Variants in GRB10 observed in about 807,000 individuals in gnomAD.
The protein encoded by GRB10 is growth factor receptor bound protein 10, also known as growth factor receptor-bound protein 10.
In GRB10, 20 loss-of-function variants were observed where a neutral mutation model predicts 80.9. That is an observed-to-expected ratio of 0.25 (90% CI 0.17 to 0.36). The LOEUF (loss-of-function observed/expected upper bound fraction) is 0.36, where lower values mean the gene tolerates loss of function less well. GRB10 is among the 10% of genes least tolerant of loss of function. The probability of loss-of-function intolerance (pLI) is 1.00; values close to 1 mark genes in which losing one functional copy is unlikely to be tolerated. For synonymous variants in GRB10, 291 were observed against 291.5 expected (o/e 1.00, Z 0.02); for missense variants, 548 against 747.7 (o/e 0.73, Z 3.12).
chr7:50,694,986 T>G (rs2063267907), intron 5 of GRB10, among the ~76,000 whole-genome samples: 1 of 152,172 alleles, frequency 6.6e-6, no homozygotes, highest in Admixed American at 6.5e-5. Context: ...TCTCTGCTAT[T>G]AGGAAGCCCC....
chr7:50,741,583 A>C (rs1434219940), intron 3 of GRB10, among the ~76,000 whole-genome samples: 5 of 151,154 alleles, frequency 3.3e-5, no homozygotes, highest in Non-Finnish European at 7.4e-5. Flanking sequence ...AAACGAAGGC[A>C]CTTGAAAATT....
At chr7:50,774,783 A>G (rs186161246) in intron 2 of GRB10, among the ~76,000 whole-genome samples, 1 of 152,234 alleles carries the variant, frequency 6.6e-6, no homozygotes, top group East Asian at 1.9e-4. Context: ...GATCAATTCA[A>G]AAGTCTGAAG....
intron 17 of GRB10, among the ~76,000 whole-genome samples, chr7:50,598,767 C>A (rs540009696): frequency 6.6e-6 from 1 of 152,208 alleles, no homozygotes; most frequent in Non-Finnish European, 1.5e-5. Context: ...GGGGATAACA[C>A]CTCTCTTTCT....
chr7:50,616,067 G>T, intron 11 of GRB10, 143 bp downstream of exon 11: 1 of 913,558 alleles, frequency 1.1e-6, no homozygotes, highest in Non-Finnish European at 1.7e-6. Flanking sequence ...TTCAGCTGCT[G>T]CACAATTAGC....
At chr7:50,718,790 A>G (rs1587423603) in intron 4 of GRB10, among the ~76,000 whole-genome samples, 1 of 152,200 alleles carries the variant, frequency 6.6e-6, no homozygotes, top group East Asian at 1.9e-4. Context: ...CACAGCTCTC[A>G]GGGTCAAGAG....
At chr7:50,667,090 C>T (rs919928618) in intron 7 of GRB10, among the ~76,000 whole-genome samples, 1 of 150,740 alleles carries the variant, frequency 6.6e-6, no homozygotes, top group Non-Finnish European at 1.5e-5. Context: ...GGTACTAATG[C>T]CTGTGTGGGA....
intron 5 of GRB10, among the ~76,000 whole-genome samples, chr7:50,703,582 G>A (rs1026651111): frequency 1.3e-5 from 2 of 152,172 alleles, no homozygotes; most frequent in African/African-American, 4.8e-5. Context: ...TAGATAACTC[G>A]TATGAAACTG....
Position 50,621,929 on chromosome 7 carries a change from C to G in GRB10, c.662-2644G>C, listed in dbSNP as rs144011170. ...TCTTACTTCCTTGCCTTAACCCTTG[C>G]AGCTAAAGTGTGACTCCTCGGCAGA... On this transcript the variant is annotated intron_variant, in intron 8 of 18. Coordinates refer to ENST00000401949, the MANE Select transcript of GRB10 (RefSeq NM_001350814.2). Among the ~76,000 whole-genome samples, 305 of 152,340 alleles carry G rather than the reference C, an allele frequency of 2.0e-3. 3 individuals carry two copies. The highest frequency in any genetic ancestry group is 7.2e-3 in the African/African-American group (301 of 41,584).
chr7:50,596,288 G>A (rs1455313070), intron 17 of GRB10, among the ~76,000 whole-genome samples: 1 of 152,208 alleles, frequency 6.6e-6, no homozygotes, highest in Non-Finnish European at 1.5e-5. Flanking sequence ...TTCATCAAGT[G>A]TCTAAATTAC....
intron 2 of GRB10, chr7:50,779,391 A>C (rs1329935071): frequency 6.6e-6 from 1 of 152,238 alleles, no homozygotes; most frequent in Non-Finnish European, 1.5e-5. Flanking sequence ...AGACATTGTT[A>C]ATATTTAACT....
intron 5 of GRB10, among the ~76,000 whole-genome samples, chr7:50,695,008 AGC>A: frequency 6.6e-6 from 1 of 152,014 alleles, no homozygotes; most frequent in African/African-American, 2.4e-5. Context: ...AGATCCTGAG[AGC>A]TTTAGGCTCT....
chr7:50,718,261 T>C (rs2067189911), intron 4 of GRB10, among the ~76,000 whole-genome samples: 1 of 152,118 alleles, frequency 6.6e-6, no homozygotes, highest in South Asian at 2.1e-4. Flanking sequence ...AATGGGAAAA[T>C]GAGTTTGGTT....
chr7:50,745,101 T>G (rs1030186302), intron 3 of GRB10, among the ~76,000 whole-genome samples: 5 of 152,186 alleles, frequency 3.3e-5, no homozygotes, highest in Non-Finnish European at 7.3e-5. Context: ...TGCTGTAAGA[T>G]TTTTCAAACT....
chr7:50,670,107 A>T (rs1460340052), intron 6 of GRB10, among the ~76,000 whole-genome samples: 1 of 152,228 alleles, frequency 6.6e-6, no homozygotes, highest in Non-Finnish European at 1.5e-5. Flanking sequence ...AGCCATGAAA[A>T]AGGAAGCACA....
At chr7:50,783,436 T>TCACACA (rs10647493), upstream of GRB10, among the ~76,000 whole-genome samples, 94,795 of 150,076 alleles carry the variant, frequency 0.63, 32,247 homozygotes, top group Middle Eastern at 0.87. Flanking sequence ...CACACACACC[T>TCACACA]CACACACACA....
chr7:50,673,537 A>G (rs564806733), intron 6 of GRB10, among the ~76,000 whole-genome samples: 1 of 152,208 alleles, frequency 6.6e-6, no homozygotes, highest in Non-Finnish European at 1.5e-5. Context: ...AGTGCTGGCA[A>G]AACGCAGCTG....
intron 5 of GRB10, among the ~76,000 whole-genome samples, chr7:50,685,280 C>T (rs1031717466): frequency 6.6e-6 from 1 of 152,132 alleles, no homozygotes; most frequent in Non-Finnish European, 1.5e-5. Context: ...TCTTAAGCAA[C>T]GATCTTTGGA....
intron 18 of GRB10, among the ~76,000 whole-genome samples, chr7:50,594,102 T>C (rs4947407): frequency 0.98 from 148,777 of 152,266 alleles, 72,772 homozygotes; most frequent in East Asian, 1. Flanking sequence ...CAAAAAGGAT[T>C]GTCTATGCAG....
Position 50,683,109 on chromosome 7 carries a change from G to A in GRB10, c.140-8451C>T, listed in dbSNP as rs542038278. Reference sequence around the variant, plus strand: ...ACAGATGAACAGATGAAGAAAATGTGGCACATATACACACAATGGAATATT... The same window carrying A: ...ACAGATGAACAGATGAAGAAAATGTAGCACATATACACACAATGGAATATT... On this transcript the variant is annotated intron_variant, in intron 5 of 18. Coordinates refer to ENST00000401949, the MANE Select transcript of GRB10 (RefSeq NM_001350814.2). Among the ~76,000 whole-genome samples the A allele has an allele frequency of 3.9e-5, 6 of 152,258 alleles. No individual in the cohort carries two copies. In the South Asian group the frequency reaches 1.2e-3, roughly 32 times the overall value.
Sources: gnomAD v4.1 joint callset for allele counts (sites outside exome capture counted in the v4.1 genomes callset) on GRCh38, gnomAD v4.1.1 for gene constraint, MANE v1.5 for transcripts, NCBI Gene and HGNC (gene_info 2026-07-23, HGNC 2026-07-21) for gene names.